Variants in CCDC141 observed in about 807,000 individuals in gnomAD.
The protein encoded by CCDC141 is coiled-coil domain-containing protein 141.
A neutral mutation model predicts 181.0 loss-of-function variants in CCDC141; 168 were observed. That is an observed-to-expected ratio of 0.93 (90% CI 0.82 to 1.05). The LOEUF (loss-of-function observed/expected upper bound fraction) is 1.05, where lower values mean the gene tolerates loss of function less well. Ranked by LOEUF, CCDC141 falls within the 50% of genes least tolerant of loss-of-function variation. The pLI, the probability that CCDC141 is intolerant of heterozygous loss-of-function variation, is 0.00. For missense variants in CCDC141, 1,902 were observed against 1,788.5 expected, an observed-to-expected ratio of 1.06 and a Z score of -1.14; for synonymous variants, 666 against 642.3, an observed-to-expected ratio of 1.04 and a Z score of -0.56.
At chr2:178,892,370 A>T (rs1003238585) in intron 8 of CCDC141, among the ~76,000 whole-genome samples, 1 of 151,678 alleles carries the variant, frequency 6.6e-6, no homozygotes. Context: ...CATCTTGGTT[A>T]CTCTAGCCAG....
intron 2 of CCDC141, among the ~76,000 whole-genome samples, chr2:178,985,008 T>C (rs916221387): frequency 2.0e-5 from 3 of 151,098 alleles, no homozygotes; most frequent in African/African-American, 7.3e-5. Context: ...ATCAATAGAA[T>C]ATACATTTTT....
At chr2:178,917,055 T>C (rs1244471491) in intron 7 of CCDC141, among the ~76,000 whole-genome samples, 1 of 151,914 alleles carries the variant, frequency 6.6e-6, no homozygotes, top group Non-Finnish European at 1.5e-5. Flanking sequence ...AGTAAGAGAA[T>C]GGGAATGAAA....
At chr2:178,829,740 G>A (rs1684183983), downstream of CCDC141, 1 of 152,204 alleles carries the variant, frequency 6.6e-6, no homozygotes, top group African/African-American at 2.4e-5. Flanking sequence ...CATTTACATT[G>A]ACACAATATC....
At chr2:178,977,311 A>C (rs1691163501) in intron 3 of CCDC141, among the ~76,000 whole-genome samples, 1 of 152,152 alleles carries the variant, frequency 6.6e-6, no homozygotes, top group Non-Finnish European at 1.5e-5. Context: ...TATTGCTCCA[A>C]TGCTAGAAAA....
At chr2:178,992,953 C>T (rs936532607) in intron 2 of CCDC141, among the ~76,000 whole-genome samples, 11 of 152,162 alleles carry the variant, frequency 7.2e-5, no homozygotes, top group Non-Finnish European at 1.5e-4. Context: ...CATCCCCTTA[C>T]GCTGTGATTG....
intron 17 of CCDC141, among the ~76,000 whole-genome samples, chr2:178,862,069 A>G (rs563785443): frequency 1.3e-5 from 2 of 152,246 alleles, no homozygotes; most frequent in East Asian, 3.9e-4. Flanking sequence ...TAGCAACACT[A>G]TTCCTCTATT....
chr2:178,954,888 T>C (rs1413389553), intron 5 of CCDC141, among the ~76,000 whole-genome samples: 1 of 152,060 alleles, frequency 6.6e-6, no homozygotes, highest in African/African-American at 2.4e-5. Flanking sequence ...GTAGATCATC[T>C]GAGAACATGA....
intron 23 of CCDC141, chr2:178,836,670 A>T: frequency 2.2e-6 from 1 of 446,272 alleles, no homozygotes; most frequent in Non-Finnish European, 3.9e-6. Flanking sequence ...GAAATTTGTT[A>T]AATTATTAGT....
the CCDC141 span, among the ~76,000 whole-genome samples, chr2:178,823,680 T>G: frequency 4.6e-5 from 7 of 152,238 alleles, no homozygotes; most frequent in African/African-American, 1.7e-4. Context: ...TATTTAGAAA[T>G]AATTCTTTTT....
chr2:178,947,433 A>G (rs1468343023), intron 5 of CCDC141, among the ~76,000 whole-genome samples: 2 of 152,188 alleles, frequency 1.3e-5, no homozygotes, highest in Non-Finnish European at 2.9e-5. Context: ...CTGGGCAATG[A>G]TGGATTAAAG....
At chr2:178,847,732 T>G (rs1575124271) in intron 21 of CCDC141, among the ~76,000 whole-genome samples, 1 of 152,204 alleles carries the variant, frequency 6.6e-6, no homozygotes, top group East Asian at 1.9e-4. Flanking sequence ...TGAATGTTTA[T>G]GCTCCCCCAA....
chr2:178,864,161 G>T (rs960366594), intron 17 of CCDC141, among the ~76,000 whole-genome samples: 3 of 152,150 alleles, frequency 2.0e-5, no homozygotes, highest in Admixed American at 2.0e-4. Context: ...CTGCAAAGAG[G>T]GAGGATTTTG....
At chr2:178,858,094 T>C (rs1436123617) in intron 17 of CCDC141, among the ~76,000 whole-genome samples, 3 of 152,080 alleles carry the variant, frequency 2.0e-5, no homozygotes, top group Non-Finnish European at 4.4e-5. Flanking sequence ...TTGTTGAACA[T>C]TACTTTAAGT....
chr2:178,967,606 G>A (rs918362301), intron 4 of CCDC141, among the ~76,000 whole-genome samples: 5 of 152,150 alleles, frequency 3.3e-5, no homozygotes, highest in Non-Finnish European at 4.4e-5. Context: ...AACATGGAAA[G>A]GAACAACTTG....
chr2:178,848,806 T>C (rs578093800), intron 21 of CCDC141, among the ~76,000 whole-genome samples: 2 of 152,116 alleles, frequency 1.3e-5, no homozygotes, highest in African/African-American at 4.8e-5. Flanking sequence ...GAATAAATGT[T>C]GAAAAAGATA....
chr2:178,910,789 C>G (rs1474115524), intron 7 of CCDC141, among the ~76,000 whole-genome samples: 1 of 152,214 alleles, frequency 6.6e-6, no homozygotes, highest in Non-Finnish European at 1.5e-5. Flanking sequence ...CTCCTTGTTC[C>G]AGGGTGAATT....
intron 6 of CCDC141, among the ~76,000 whole-genome samples, chr2:178,935,189 C>T (rs555351722): frequency 1.3e-5 from 2 of 152,108 alleles, no homozygotes; most frequent in Admixed American, 6.6e-5. Context: ...ACTCCTGTCA[C>T]GGGGTTTGTT....
downstream of CCDC141, among the ~76,000 whole-genome samples, chr2:178,828,240 C>T (rs7591759): frequency 0.6 from 91,525 of 152,040 alleles, 28,121 homozygotes; most frequent in East Asian, 0.87. Context: ...CCAGAATCCA[C>T]AGGAAATTCA....
At chr2:179,019,795 C>T (rs1385248875) in intron 2 of CCDC141, among the ~76,000 whole-genome samples, 1 of 152,014 alleles carries the variant, frequency 6.6e-6, no homozygotes. Context: ...GAGACAGTAT[C>T]TCACTCTGTC....
Sources: gnomAD v4.1 joint callset for allele counts (sites outside exome capture counted in the v4.1 genomes callset) on GRCh38, gnomAD v4.1.1 for gene constraint, MANE v1.5 for transcripts, NCBI Gene and HGNC (gene_info 2026-07-23, HGNC 2026-07-21) for gene names.